Variants in PARG observed in about 807,000 individuals in gnomAD.
The protein encoded by PARG is mitochondrial poly(ADP-ribose) glycohydrolase.
Under a neutral mutation model 113.0 loss-of-function variants are expected in PARG, and 35 were observed. The observed-to-expected ratio is 0.31, with a 90% CI of 0.24 to 0.41. PARG has a LOEUF of 0.41. Ranked by LOEUF, PARG falls within the 10% of genes least tolerant of loss-of-function variation. The pLI, the probability that PARG is intolerant of heterozygous loss-of-function variation, is 1.00. For missense variants in PARG, 797 were observed against 1,169.4 expected (o/e 0.68, Z 4.64); for synonymous variants, 330 against 409.9 (o/e 0.81, Z 2.36).
At chr10:49,899,953 A>G (rs1161546607) in intron 7 of PARG, among the ~76,000 whole-genome samples, 2 of 152,192 alleles carry the variant, frequency 1.3e-5, no homozygotes, top group Non-Finnish European at 2.9e-5. Context: ...CCGAGTTTTT[A>G]AAGTACTCTG....
chr10:49,934,779 G>C lies in PARG; in HGVS notation c.284+297C>G, dbSNP rs1351907948. 8.1e-4 allele frequency among the ~76,000 whole-genome samples: 123 copies of C among 151,640 alleles called. 1 individual carries two copies. The highest frequency in any genetic ancestry group is 4.3e-4 in the Non-Finnish European group (29 of 67,928). Reference sequence around the variant, plus strand: ...CAGGAGAATGGCGTGAACCCAGGAGGCAGAGCTTGCAGTTAGCCGAGATCA... The same window carrying C: ...CAGGAGAATGGCGTGAACCCAGGAGCCAGAGCTTGCAGTTAGCCGAGATCA... On this transcript the variant is annotated intron_variant, in intron 2 of 17. Coordinates refer to ENST00000616448, the MANE Select transcript of PARG (RefSeq NM_003631.5).
chr10:49,838,126 T>A (rs1372828021), intron 15 of PARG, among the ~76,000 whole-genome samples: 1 of 152,114 alleles, frequency 6.6e-6, no homozygotes, highest in Admixed American at 6.5e-5. Context: ...ATGTGCAGGA[T>A]TTACATTTTT....
chr10:49,885,728 C>T (rs1847445450), intron 7 of PARG, among the ~76,000 whole-genome samples: 1 of 152,160 alleles, frequency 6.6e-6, no homozygotes, highest in Non-Finnish European at 1.5e-5. Flanking sequence ...AAGAAATCTC[C>T]ATAAAAGCCA....
chr10:49,916,292 T>TA (rs11454229), intron 6 of PARG, among the ~76,000 whole-genome samples: 29,042 of 152,042 alleles, frequency 0.19, 3,290 homozygotes, highest in Non-Finnish European at 0.27. Flanking sequence ...AAACTGGATC[T>TA]TGAGGGGTAA....
intron 7 of PARG, among the ~76,000 whole-genome samples, chr10:49,895,337 T>C (rs767633840): frequency 3.3e-4 from 50 of 152,274 alleles, no homozygotes; most frequent in Non-Finnish European, 5.9e-4. Context: ...ATTTTAGTAA[T>C]CAGCTTTGCA....
chr10:49,894,905 C>A (rs1247876917), intron 7 of PARG, among the ~76,000 whole-genome samples: 2 of 152,208 alleles, frequency 1.3e-5, no homozygotes, highest in Non-Finnish European at 2.9e-5. Context: ...CTCTAAGGCT[C>A]TTCCTGGTCT....
rs782322685 is a variant in PARG, at chr10:49,857,364, C to T, written c.2295G>A (p.Leu765=). The T allele has an allele frequency of 4.8e-6, 6 of 1,258,904 alleles. No homozygotes were observed. The allele number at this position is 1,258,904 out of a possible 1,614,324, so 78.0% of individuals were successfully genotyped here. A position where few individuals can be genotyped will look rare whatever the true frequency, so the allele number is the denominator to read the frequency against. The part of the protein sequence containing the change: ...EEIRFLINPE[L]IISRLFTEVL... The stretch of plus-strand genomic sequence containing the variant: ...CCTCAGTGAAGAGCCGTGAAATAAT[C>T]AACTCAGGATTGATTAAAAAGCGGA... The change falls in exon 13 of 18, where the codon TTG becomes TTA. Residue 765 remains leucine (L), a synonymous_variant. Coordinates refer to ENST00000616448, the MANE Select transcript of PARG (RefSeq NM_003631.5).
chr10:49,843,487 G>A, intron 14 of PARG, 67 bp downstream of exon 14: 2 of 900,756 alleles, frequency 2.2e-6, no homozygotes, highest in Non-Finnish European at 3.6e-6. Flanking sequence ...GAATGAGAGT[G>A]TGTGAGGGTC....
In PARG at chr10:49,902,835, A is replaced by T. The variant is rs535907720; in HGVS notation, c.1737+13082T>A. On this transcript the variant is annotated intron_variant, in intron 7 of 17. Transcript: ENST00000616448. ...ATGAGACTCGGTCTCTACAAAAAAA[A>T]TTTTTTTTTTTTTTTTGAGACGGAG... Among the ~76,000 whole-genome samples the T allele has an allele frequency of 2.2e-4, 32 of 143,548 alleles. No individual in the cohort carries two copies. In the East Asian group the frequency reaches 3.1e-3, roughly 14 times the overall value. The allele number at this position is 143,548 out of a possible 152,430, so 94.2% of individuals were successfully genotyped here.
intron 7 of PARG, among the ~76,000 whole-genome samples, chr10:49,889,508 A>G (rs1173386256): frequency 6.6e-6 from 1 of 152,092 alleles, no homozygotes; most frequent in Non-Finnish European, 1.5e-5. Flanking sequence ...TACTGATACC[A>G]CTTTGGTGCC....
At position 49,819,533 on chromosome 10, in the gene PARG, A is replaced by G. The variant is rs560035410; in HGVS notation, c.2777-39T>C. On this transcript the variant is annotated intron_variant, in intron 17 of 17. Transcript: ENST00000616448. ...GGTCAGACCAGAGGCACATTAAAGTATGTAATTGAAAAAACCTTAGAAAGA... is the reference window on the plus strand; with the variant it reads ...GGTCAGACCAGAGGCACATTAAAGTGTGTAATTGAAAAAACCTTAGAAAGA... The G allele has an allele frequency of 2.1e-5, 31 of 1,491,530 alleles. No individual in the cohort carries two copies. In the South Asian group the frequency reaches 3.2e-4, roughly 15 times the overall value. 92.4% of individuals were successfully genotyped at this position (1,491,530 alleles called of 1,614,324 possible).
At chr10:49,917,943 G>C (rs1342326745) in intron 6 of PARG, among the ~76,000 whole-genome samples, 2 of 151,956 alleles carry the variant, frequency 1.3e-5, no homozygotes, top group African/African-American at 2.4e-5. Flanking sequence ...ATAGGTGAAG[G>C]AATAAACAAT....
chr10:49,923,051 T>C (rs1293610639), intron 4 of PARG, among the ~76,000 whole-genome samples: 1 of 152,250 alleles, frequency 6.6e-6, no homozygotes, highest in Non-Finnish European at 1.5e-5. Context: ...GATTTTCATA[T>C]ACGTTCTTAT....
At chr10:49,825,175 C>T (rs1554829234) in intron 16 of PARG, among the ~76,000 whole-genome samples, 1 of 152,144 alleles carries the variant, frequency 6.6e-6, no homozygotes. Flanking sequence ...TCGAGGCCAA[C>T]TCTTATTCTC....
chr10:49,919,204 G>C (rs1370898881), intron 6 of PARG, among the ~76,000 whole-genome samples: 1 of 152,186 alleles, frequency 6.6e-6, no homozygotes, highest in East Asian at 1.9e-4. Context: ...GCCTCCCAAA[G>C]TGCTGGGGTT....
intron 15 of PARG, chr10:49,833,133 T>A (rs944567610): frequency 3.5e-5 from 11 of 312,724 alleles, no homozygotes; most frequent in Admixed American, 9.7e-5. Context: ...AATATTTATT[T>A]GTTTGAATGC....
intron 7 of PARG, among the ~76,000 whole-genome samples, chr10:49,890,075 A>G (rs1235780729): frequency 1.3e-5 from 2 of 152,226 alleles, no homozygotes; most frequent in South Asian, 2.1e-4. Flanking sequence ...CAAATCTTCC[A>G]TAACAATTAA....
chr10:49,822,881 T>C (rs1303964356), intron 16 of PARG, among the ~76,000 whole-genome samples: 3 of 152,150 alleles, frequency 2.0e-5, no homozygotes, highest in African/African-American at 7.2e-5. Flanking sequence ...TCAAAGAACG[T>C]TGTATTCTTT....
At chr10:49,840,324 G>C (rs938885407) in intron 15 of PARG, among the ~76,000 whole-genome samples, 1 of 151,300 alleles carries the variant, frequency 6.6e-6, no homozygotes, top group Non-Finnish European at 1.5e-5. Context: ...GAGAAGTTGA[G>C]AGTCTGCAGT....
Sources: allele counts gnomAD v4.1 joint callset (sites outside exome capture counted in the v4.1 genomes callset), GRCh38; gene constraint gnomAD v4.1.1; transcripts MANE v1.5; gene names NCBI Gene and HGNC (gene_info 2026-07-23, HGNC 2026-07-21).